FRMD6: variants seen among roughly 807,000 people sequenced by gnomAD.
FRMD6 encodes FERM domain containing 6.
Under a neutral mutation model 73.2 loss-of-function variants are expected in FRMD6, and 37 were observed. The ratio of observed to expected loss-of-function variants is 0.51; its 90% CI spans 0.39 to 0.66. FRMD6 has a LOEUF of 0.66. FRMD6 is among the 30% of genes least tolerant of loss of function. FRMD6 has a pLI of 0.00. For synonymous variants in FRMD6, 273 were observed against 282.2 expected (o/e 0.97, Z 0.33); for missense variants, 714 against 780.5 (o/e 0.91, Z 1.02).
At chr14:51,644,353 T>TCACACACACACACACACACA (rs375341468) in intron 2 of FRMD6, among the ~76,000 whole-genome samples, 2 of 142,072 alleles carry the variant, frequency 1.4e-5, no homozygotes, top group African/African-American at 5.3e-5. Context: ...GCCTCACCCT[T>TCACACACACACACACACACA]CACACACACA....
intron 1 of FRMD6, among the ~76,000 whole-genome samples, chr14:51,548,621 C>T (rs534304607): frequency 6.6e-6 from 1 of 152,250 alleles, no homozygotes; most frequent in Non-Finnish European, 1.5e-5. Context: ...TTGGACTAAA[C>T]TCTCAATTTT....
chr14:51,550,454 T>C (rs1185994474), intron 1 of FRMD6, among the ~76,000 whole-genome samples: 1 of 152,208 alleles, frequency 6.6e-6, no homozygotes, highest in Admixed American at 6.5e-5. Context: ...TATTGGGCTG[T>C]GTCTGCTTCT....
chr14:51,479,710 GGC>G, the FRMD6 span, among the ~76,000 whole-genome samples: 5 of 152,300 alleles, frequency 3.3e-5, 1 homozygote, highest in African/African-American at 1.2e-4. Flanking sequence ...AGTGAAAGCT[GGC>G]TGCTGCAACA....
At chr14:51,620,495 G>A (rs751281658) in intron 2 of FRMD6, among the ~76,000 whole-genome samples, 1 of 151,974 alleles carries the variant, frequency 6.6e-6, no homozygotes, top group Non-Finnish European at 1.5e-5. Flanking sequence ...AAGTGGAAAA[G>A]GATAAATGGG....
In FRMD6 at chr14:51,495,635, G is replaced by A. The variant is rs571939596; in HGVS notation, c.-210+6215G>A. The stretch of plus-strand genomic sequence containing the variant: ...GCTTTGGGGGCATTGATATTAGAGT[G>A]TCTTTCTCCCTATCACTGAGCCTTC... On this transcript the variant is annotated intron_variant, in intron 1 of 14. Transcript: ENST00000356218. Among the ~76,000 whole-genome samples, 26 of 150,436 alleles carry A rather than the reference G, an allele frequency of 1.7e-4. 2 individuals carry two copies. Among genetic ancestry groups the A allele is most frequent in the Middle Eastern group, 6.8e-3 (2 of 294 alleles).
At chr14:51,629,927 G>T (rs1281360769) in intron 2 of FRMD6, among the ~76,000 whole-genome samples, 1 of 152,150 alleles carries the variant, frequency 6.6e-6, no homozygotes, top group Non-Finnish European at 1.5e-5. Flanking sequence ...AGAGGCTACT[G>T]GTTGTTAAGC....
At chr14:51,688,843 G>T (rs1285277112) in intron 1 of FRMD6, among the ~76,000 whole-genome samples, 2 of 152,204 alleles carry the variant, frequency 1.3e-5, no homozygotes, top group Admixed American at 1.3e-4. Context: ...AATAATGGGT[G>T]TAATTATTGA....
At chr14:51,595,475 G>T (rs1889659562) in intron 2 of FRMD6, among the ~76,000 whole-genome samples, 1 of 152,174 alleles carries the variant, frequency 6.6e-6, no homozygotes, top group Non-Finnish European at 1.5e-5. Flanking sequence ...TCTACTTCCA[G>T]GGCAGACAGG....
intron 2 of FRMD6, among the ~76,000 whole-genome samples, chr14:51,609,376 A>G (rs1890395862): frequency 6.6e-6 from 1 of 152,214 alleles, no homozygotes; most frequent in South Asian, 2.1e-4. Flanking sequence ...AGTAGAAGAG[A>G]GCAGCACATA....
intron 2 of FRMD6, among the ~76,000 whole-genome samples, chr14:51,594,306 T>TTTATTTATTTA (rs1889578977): frequency 2.1e-5 from 3 of 143,068 alleles, no homozygotes; most frequent in East Asian, 2.0e-4. Context: ...TGTATTTTAT[T>TTTATTTATTTA]TTTATTTATT....
chr14:51,453,353 C>A, the FRMD6 span, among the ~76,000 whole-genome samples: 1 of 151,900 alleles, frequency 6.6e-6, no homozygotes, highest in Non-Finnish European at 1.5e-5. Context: ...GGGGAAGGAG[C>A]AAGAACAGCC....
intron 1 of FRMD6, among the ~76,000 whole-genome samples, chr14:51,682,030 A>G (rs903737356): frequency 1.3e-5 from 2 of 152,176 alleles, no homozygotes; most frequent in Non-Finnish European, 2.9e-5. Context: ...TCACCCACAC[A>G]TTAGTATGCA....
chr14:51,446,027 TCA>T, the FRMD6 span, among the ~76,000 whole-genome samples: 3 of 152,190 alleles, frequency 2.0e-5, no homozygotes, highest in African/African-American at 7.2e-5. Flanking sequence ...CTTACCACTG[TCA>T]CAGAACTGAC....
At chr14:51,585,939 G>GTATATATATATATATATATATATATATA (rs3060587) in intron 2 of FRMD6, among the ~76,000 whole-genome samples, 5 of 31,402 alleles carry the variant, frequency 1.6e-4, no homozygotes, top group Admixed American at 8.3e-4. Context: ...GTGTGTGTGT[G>GTATATATATATATATATATATATATATA]TATATATATA....
At chr14:51,665,528 G>A (rs931399502) in intron 1 of FRMD6, among the ~76,000 whole-genome samples, 2 of 152,028 alleles carry the variant, frequency 1.3e-5, no homozygotes, top group African/African-American at 4.8e-5. Flanking sequence ...CGCTGCGTCC[G>A]AGCTGCATGT....
the FRMD6 span, among the ~76,000 whole-genome samples, chr14:51,410,642 A>G: frequency 6.6e-6 from 1 of 152,232 alleles, no homozygotes; most frequent in East Asian, 1.9e-4. Context: ...CTTTAGAAAC[A>G]TTTTAGAATA....
At chr14:51,492,312 C>T (rs1883056304) in intron 1 of FRMD6, among the ~76,000 whole-genome samples, 1 of 152,008 alleles carries the variant, frequency 6.6e-6, no homozygotes, top group Non-Finnish European at 1.5e-5. Context: ...TACAATTAAC[C>T]AGTCTTGTGA....
chr14:51,398,337 C>T, the FRMD6 span, among the ~76,000 whole-genome samples: 4 of 152,168 alleles, frequency 2.6e-5, no homozygotes, highest in Middle Eastern at 3.4e-3. Context: ...GTATTCATTT[C>T]GGTGCACATG....
intron 1 of FRMD6, among the ~76,000 whole-genome samples, chr14:51,536,950 C>G (rs940516195): frequency 3.9e-5 from 6 of 152,154 alleles, no homozygotes; most frequent in African/African-American, 1.2e-4. Context: ...CCCTGCCCCC[C>G]ACACACAGTC....
Sources: gnomAD v4.1 joint callset for allele counts (sites outside exome capture counted in the v4.1 genomes callset) on GRCh38, gnomAD v4.1.1 for gene constraint, MANE v1.5 for transcripts, NCBI Gene and HGNC (gene_info 2026-07-23, HGNC 2026-07-21) for gene names.